The following ANKRD45 variants were observed in gnomAD, a reference collection of about 807,000 sequenced individuals.
The protein encoded by ANKRD45 is ankyrin repeat domain-containing protein 45.
Under a neutral mutation model 28.1 loss-of-function variants are expected in ANKRD45, and 21 were observed. That is an observed-to-expected ratio of 0.75 (90% CI 0.53 to 1.08). The LOEUF (loss-of-function observed/expected upper bound fraction) is 1.08. Among genes scored for constraint, ANKRD45 ranks in the 50% least tolerant of loss-of-function variants. The probability of loss-of-function intolerance (pLI) is 0.00; values close to 1 mark genes in which losing one functional copy is unlikely to be tolerated. For missense variants in ANKRD45, 261 were observed against 308.7 expected, an observed-to-expected ratio of 0.85 and a Z score of 1.16; for synonymous variants, 86 against 103.9, an observed-to-expected ratio of 0.83 and a Z score of 1.05.
chr1:173,626,066 C>G lies in ANKRD45; in HGVS notation c.591+999G>C, dbSNP rs1411847788. Reference sequence around the variant, plus strand: ...AGATCTGATAGCTCCAAATGCTATTCTAATAAATTTTGCCTACATTTTGTT... The same window carrying G: ...AGATCTGATAGCTCCAAATGCTATTGTAATAAATTTTGCCTACATTTTGTT... On this transcript the variant is annotated intron_variant, in intron 4 of 5. Coordinates refer to ENST00000333279, the MANE Select transcript of ANKRD45 (RefSeq NM_198493.3). 3.3e-5 allele frequency among the ~76,000 whole-genome samples: 5 copies of G among 152,094 alleles called. No homozygotes were observed. In the East Asian group the frequency reaches 9.6e-4, roughly 29 times the overall value.
At chr1:173,680,769 A>G in the ANKRD45 span, among the ~76,000 whole-genome samples, 2 of 151,928 alleles carry the variant, frequency 1.3e-5, no homozygotes, top group Non-Finnish European at 2.9e-5. Flanking sequence ...CATATACACC[A>G]TGGAATACTA....
chr1:173,623,152 A>G (rs1471667796), intron 5 of ANKRD45, among the ~76,000 whole-genome samples: 9 of 151,848 alleles, frequency 5.9e-5, no homozygotes, highest in Admixed American at 5.9e-4. Context: ...CGTCTCTACA[A>G]AAAAATATAA....
At chr1:173,671,026 T>C (rs1670231577), upstream of ANKRD45, among the ~76,000 whole-genome samples, 1 of 152,206 alleles carries the variant, frequency 6.6e-6, no homozygotes, top group East Asian at 1.9e-4. Context: ...TGGTTCCTCA[T>C]AGGCTGAGTA....
chr1:173,638,112 G>A (rs1256670863), intron 3 of ANKRD45, among the ~76,000 whole-genome samples: 1 of 151,980 alleles, frequency 6.6e-6, no homozygotes, highest in Non-Finnish European at 1.5e-5. Flanking sequence ...GTGTGTGTGT[G>A]TGTGAACGAC....
intron 5 of ANKRD45, among the ~76,000 whole-genome samples, chr1:173,622,116 C>G (rs1471889450): frequency 6.6e-6 from 1 of 152,170 alleles, no homozygotes; most frequent in Non-Finnish European, 1.5e-5. Flanking sequence ...TGAACAACCT[C>G]TTGAAGGAGA....
intron 3 of ANKRD45, among the ~76,000 whole-genome samples, chr1:173,632,878 AC>A (rs1668255718): frequency 6.6e-6 from 1 of 152,062 alleles, no homozygotes; most frequent in Admixed American, 6.6e-5. Flanking sequence ...CATATGACAG[AC>A]CCACAGCTGG....
At chr1:173,651,124 T>C (rs999119519) in intron 2 of ANKRD45, among the ~76,000 whole-genome samples, 2 of 152,228 alleles carry the variant, frequency 1.3e-5, no homozygotes, top group Non-Finnish European at 2.9e-5. Context: ...ATTTGGGCTT[T>C]TGTTGCCATT....
In ANKRD45 at chr1:173,641,704, C is replaced by G. The variant is rs114390315; in HGVS notation, c.496+5142G>C. 5.9e-3 allele frequency among the ~76,000 whole-genome samples: 905 copies of G among 152,238 alleles called. 4 individuals are homozygous for G. Among genetic ancestry groups the G allele is most frequent in the African/African-American group, 0.016 (663 of 41,536 alleles). ...TCAGTCTGCGAAAGTAAAAACAAGA[C>G]ACTGCAGGCCAAGGGAAACTCCATT... is the stretch of plus-strand genomic sequence containing the variant. On this transcript the variant is annotated intron_variant, in intron 3 of 5. Transcript: ENST00000333279.
chr1:173,610,204 T>G lies in ANKRD45; in HGVS notation c.742A>C (p.Ser248Arg). ...TCATGGCTTGTTACAGATTTGGCAC[T>G]TTTCACTTGACCTGAAAGGAAACAG... ...TKMTTPCQVK[S>R]AKSVTSHDQK... is the part of the protein sequence containing the mutation. The change falls in exon 6 of 6, where the codon AGT becomes CGT. Residue 248 changes from serine (S) to arginine (R), a missense_variant. Physicochemically the swap from Ser to Arg is moderately radical, Grantham distance 110. Coordinates refer to ENST00000333279, the MANE Select transcript of ANKRD45 (RefSeq NM_198493.3). 1 of 1,614,106 alleles carries G rather than the reference T, an allele frequency of 6.2e-7. No homozygotes were observed. Among genetic ancestry groups the G allele is most frequent in the South Asian group, 1.1e-5 (1 of 91,084 alleles).
At chr1:173,696,366 G>T in the ANKRD45 span, among the ~76,000 whole-genome samples, 1 of 152,216 alleles carries the variant, frequency 6.6e-6, no homozygotes, top group Non-Finnish European at 1.5e-5. Flanking sequence ...CCAGTGTCCA[G>T]AATGACATTT....
At chr1:173,651,083 G>A (rs1426583622) in intron 2 of ANKRD45, among the ~76,000 whole-genome samples, 1 of 152,164 alleles carries the variant, frequency 6.6e-6, no homozygotes, top group Non-Finnish European at 1.5e-5. Context: ...CTGAGCAGAA[G>A]CTCTTTAGTT....
At chr1:173,682,825 C>T in the ANKRD45 span, among the ~76,000 whole-genome samples, 6 of 152,052 alleles carry the variant, frequency 3.9e-5, no homozygotes, top group African/African-American at 1.4e-4. Context: ...GGACAAATTG[C>T]TGCTATTTCA....
intron 5 of ANKRD45, among the ~76,000 whole-genome samples, chr1:173,617,974 C>A (rs1462235113): frequency 6.6e-6 from 1 of 152,116 alleles, no homozygotes; most frequent in African/African-American, 2.4e-5. Context: ...GCTGAAACCT[C>A]CAGGTAGAGG....
At chr1:173,611,235 T>C (rs1175872823) in intron 5 of ANKRD45, among the ~76,000 whole-genome samples, 1 of 152,204 alleles carries the variant, frequency 6.6e-6, no homozygotes, top group Non-Finnish European at 1.5e-5. Flanking sequence ...ACACTGGCTA[T>C]CCATCCTCTC....
the ANKRD45 span, among the ~76,000 whole-genome samples, chr1:173,691,629 C>T: frequency 6.6e-6 from 1 of 151,822 alleles, no homozygotes; most frequent in Non-Finnish European, 1.5e-5. Flanking sequence ...ACTAAAAATA[C>T]AAAAAAATTA....
intron 2 of ANKRD45, among the ~76,000 whole-genome samples, chr1:173,649,729 G>A (rs140639555): frequency 5.3e-4 from 80 of 152,222 alleles, no homozygotes; most frequent in African/African-American, 1.7e-3. Flanking sequence ...CAAGAATATA[G>A]CAATACTCTA....
chr1:173,701,326 C>A, the ANKRD45 span, among the ~76,000 whole-genome samples: 3 of 152,192 alleles, frequency 2.0e-5, no homozygotes, highest in Non-Finnish European at 2.9e-5. Flanking sequence ...TGGGTATACA[C>A]CCAAAGGAGT....
chr1:173,619,341 G>A (rs1035861610), intron 5 of ANKRD45, among the ~76,000 whole-genome samples: 4 of 152,040 alleles, frequency 2.6e-5, no homozygotes, highest in African/African-American at 7.3e-5. Flanking sequence ...GACACAGAAT[G>A]GCAAGCTGGA....
At chr1:173,619,827 C>CAA (rs112235355) in intron 5 of ANKRD45, among the ~76,000 whole-genome samples, 22 of 90,728 alleles carry the variant, frequency 2.4e-4, no homozygotes, top group African/African-American at 3.9e-4. Context: ...GACTCCATCT[C>CAA]AAAAAAAAAA....
Sources: allele counts gnomAD v4.1 joint callset (sites outside exome capture counted in the v4.1 genomes callset), GRCh38; gene constraint gnomAD v4.1.1; transcripts MANE v1.5; gene names NCBI Gene and HGNC (gene_info 2026-07-23, HGNC 2026-07-21).